The following KIAA1217 variants were observed in gnomAD, a reference collection of about 807,000 sequenced individuals.
KIAA1217 encodes the protein KIAA1217.
Under a neutral mutation model 163.9 loss-of-function variants are expected in KIAA1217, and 88 were observed. The ratio of observed to expected loss-of-function variants is 0.54; its 90% CI spans 0.45 to 0.64. The LOEUF is 0.64. KIAA1217 is among the 30% of genes least tolerant of loss of function. The pLI is 0.00. For synonymous variants in KIAA1217, 903 were observed against 923.1 expected, an observed-to-expected ratio of 0.98 and a Z score of 0.39; for missense variants, 2,372 against 2,475.0, an observed-to-expected ratio of 0.96 and a Z score of 0.88.
intron 1 of KIAA1217, among the ~76,000 whole-genome samples, chr10:23,901,433 T>C (rs531672078): frequency 6.6e-6 from 1 of 152,164 alleles, no homozygotes; most frequent in South Asian, 2.1e-4. Context: ...AATATACTGA[T>C]ACAAAGCAAG....
At chr10:24,059,726 C>T (rs895495922) in intron 2 of KIAA1217, among the ~76,000 whole-genome samples, 17 of 152,108 alleles carry the variant, frequency 1.1e-4, no homozygotes, top group East Asian at 9.7e-4. Context: ...TACAGGCACC[C>T]GCCACTGCAC....
intron 1 of KIAA1217, among the ~76,000 whole-genome samples, chr10:23,793,346 C>T (rs1026435483): frequency 1.3e-5 from 2 of 152,154 alleles, no homozygotes; most frequent in Non-Finnish European, 2.9e-5. Flanking sequence ...GTCCCCGGTG[C>T]GTTCTGTGCT....
At chr10:23,735,562 G>A (rs2130797732) in intron 1 of KIAA1217, among the ~76,000 whole-genome samples, 1 of 151,772 alleles carries the variant, frequency 6.6e-6, no homozygotes, top group African/African-American at 2.4e-5. Flanking sequence ...CTTCTTGTAT[G>A]TTTATTTGCC....
At chr10:24,031,499 C>T (rs1376480379) in intron 2 of KIAA1217, among the ~76,000 whole-genome samples, 3 of 152,248 alleles carry the variant, frequency 2.0e-5, no homozygotes, top group Admixed American at 2.0e-4. Flanking sequence ...AGGGTTTCAC[C>T]ATGTTGCCCA....
chr10:23,832,480 T>C (rs745807343), intron 1 of KIAA1217, among the ~76,000 whole-genome samples: 2 of 152,118 alleles, frequency 1.3e-5, no homozygotes, highest in Non-Finnish European at 1.5e-5. Context: ...TCACTGGCCA[T>C]TGGTGATCAT....
chr10:23,801,987 T>C (rs7101296), intron 1 of KIAA1217, among the ~76,000 whole-genome samples: 34,907 of 152,158 alleles, frequency 0.23, 4,163 homozygotes, highest in Middle Eastern at 0.29. Context: ...TTCTTCTAAA[T>C]AGATCAAGAG....
At chr10:23,830,892 C>A (rs565227857) in intron 1 of KIAA1217, among the ~76,000 whole-genome samples, 1 of 151,784 alleles carries the variant, frequency 6.6e-6, no homozygotes, top group South Asian at 2.1e-4. Context: ...AAGTACAAAA[C>A]AGATGTGAAA....
intron 2 of KIAA1217, among the ~76,000 whole-genome samples, chr10:24,115,214 C>T (rs373840368): frequency 2.0e-5 from 3 of 152,200 alleles, no homozygotes; most frequent in South Asian, 2.1e-4. Context: ...ACAGCACCTG[C>T]GTATAGCAGG....
chr10:24,413,202 T>C (rs1352388175), intron 3 of KIAA1217, among the ~76,000 whole-genome samples: 1 of 152,192 alleles, frequency 6.6e-6, no homozygotes, highest in Non-Finnish European at 1.5e-5. Flanking sequence ...TTAATTCTTT[T>C]TGAGATGGAC....
intron 1 of KIAA1217, 95 bp downstream of exon 1, chr10:24,209,358 A>T: frequency 1.3e-6 from 1 of 772,772 alleles, no homozygotes; most frequent in Non-Finnish European, 2.0e-6. Context: ...GACCCGGCAA[A>T]GGAAAAAAAA....
At chr10:23,709,632 C>T (rs956395643) in intron 1 of KIAA1217, among the ~76,000 whole-genome samples, 4 of 152,066 alleles carry the variant, frequency 2.6e-5, no homozygotes, top group African/African-American at 4.8e-5. Context: ...CAAAGCCTTC[C>T]TCAGATATTA....
intron 2 of KIAA1217, among the ~76,000 whole-genome samples, chr10:24,102,131 T>C (rs1439926952): frequency 6.6e-6 from 1 of 152,186 alleles, no homozygotes; most frequent in Non-Finnish European, 1.5e-5. Flanking sequence ...GACATGATTA[T>C]CTACATAGAA....
At chr10:24,153,330 G>A (rs181692896) in intron 2 of KIAA1217, among the ~76,000 whole-genome samples, 238 of 152,280 alleles carry the variant, frequency 1.6e-3, no homozygotes, top group Non-Finnish European at 2.6e-3. Flanking sequence ...TGTCTGTCTG[G>A]AATCATATTC....
intron 1 of KIAA1217, among the ~76,000 whole-genome samples, chr10:23,803,997 A>G (rs1267650889): frequency 6.6e-6 from 1 of 152,248 alleles, no homozygotes; most frequent in Admixed American, 6.5e-5. Flanking sequence ...ATAAATATGG[A>G]AAAATATAGA....
intron 2 of KIAA1217, among the ~76,000 whole-genome samples, chr10:24,297,611 C>T (rs904379691): frequency 6.6e-6 from 1 of 152,076 alleles, no homozygotes; most frequent in Non-Finnish European, 1.5e-5. Context: ...TAAAAATTAG[C>T]TGGGTGTAGT....
intron 2 of KIAA1217, among the ~76,000 whole-genome samples, chr10:24,372,780 G>T (rs1051942506): frequency 6.6e-6 from 1 of 152,106 alleles, no homozygotes; most frequent in Non-Finnish European, 1.5e-5. Context: ...TATTATGATT[G>T]TGTAGTACTC....
At chr10:23,775,887 C>T (rs754053690) in intron 1 of KIAA1217, among the ~76,000 whole-genome samples, 2 of 152,110 alleles carry the variant, frequency 1.3e-5, no homozygotes, top group Non-Finnish European at 2.9e-5. Context: ...CTATTTTATA[C>T]ATTCTTAATT....
At chr10:23,761,703 C>G (rs1031387887) in intron 1 of KIAA1217, among the ~76,000 whole-genome samples, 2 of 152,066 alleles carry the variant, frequency 1.3e-5, no homozygotes, top group Non-Finnish European at 2.9e-5. Context: ...ATAATTGCCA[C>G]GTGGCACTGA....
intron 2 of KIAA1217, among the ~76,000 whole-genome samples, chr10:24,277,689 G>T (rs58971422): frequency 0.32 from 47,934 of 152,118 alleles, 8,346 homozygotes; most frequent in Admixed American, 0.47. Context: ...TGTGAAGAAG[G>T]ACGTGTTTGC....
Sources: allele counts gnomAD v4.1 joint callset (sites outside exome capture counted in the v4.1 genomes callset), GRCh38; gene constraint gnomAD v4.1.1; transcripts MANE v1.5; gene names NCBI Gene and HGNC (gene_info 2026-07-23, HGNC 2026-07-21).